RRM1: variants seen among roughly 807,000 people sequenced by gnomAD.
RRM1 encodes ribonucleoside-diphosphate reductase large subunit.
A neutral mutation model predicts 101.5 loss-of-function variants in RRM1; 19 were observed. That is an observed-to-expected ratio of 0.19 (90% CI 0.13 to 0.27). RRM1 has a LOEUF of 0.27. Ranked by LOEUF, RRM1 falls within the 10% of genes least tolerant of loss-of-function variation. The pLI is 1.00. For synonymous variants in RRM1, 298 were observed against 323.4 expected, an observed-to-expected ratio of 0.92 and a Z score of 0.84; for missense variants, 500 against 962.9, an observed-to-expected ratio of 0.52 and a Z score of 6.36.
In RRM1 at chr11:4,094,882, C is replaced by A; in HGVS notation, c.-131C>A. Reference sequence around the variant, plus strand: ...CTCTGAAGAAAGTGCTGTCTGGCTCCAACTCCAGTTCTTTCCCCTGAGCAG... The same window carrying A: ...CTCTGAAGAAAGTGCTGTCTGGCTCAAACTCCAGTTCTTTCCCCTGAGCAG... On this transcript the variant is annotated 5_prime_UTR_variant, in exon 1 of 19. Coordinates refer to ENST00000300738, the MANE Select transcript of RRM1 (RefSeq NM_001033.5). The A allele has an allele frequency of 1.1e-6, 1 of 935,922 alleles. No individual in the cohort carries two copies. Among genetic ancestry groups the A allele is most frequent in the Non-Finnish European group, 1.7e-6 (1 of 591,216 alleles). 58.0% of individuals were successfully genotyped at this position (935,922 alleles called of 1,614,324 possible).
chr11:4,117,134 A>C (rs2094574891), intron 7 of RRM1, among the ~76,000 whole-genome samples: 2 of 152,240 alleles, frequency 1.3e-5, no homozygotes, highest in South Asian at 4.1e-4. Flanking sequence ...ATATTTGATA[A>C]AAATGAAAAG....
At chr11:4,121,815 T>TC (rs776395679) in intron 10 of RRM1, 50 bp downstream of exon 10, 2 of 1,518,798 alleles carry the variant, frequency 1.3e-6, no homozygotes, top group South Asian at 2.7e-5. Context: ...ACATGAGCTT[T>TC]CTCTTTTTTA....
At chr11:4,103,767 T>C (rs1233138614) in intron 2 of RRM1, among the ~76,000 whole-genome samples, 1 of 150,308 alleles carries the variant, frequency 6.7e-6, no homozygotes, top group Non-Finnish European at 1.5e-5. Context: ...ATTACAGGCA[T>C]GTGCCACCAC....
At position 4,101,557 on chromosome 11, in the gene RRM1, A is replaced by ACCCCCCCCCCCCCCCCCCCCCCCCCCCC. The variant is rs200112921; in HGVS notation, c.20-435_20-434insCCCCCCCCCCCCCCCCCCCCCCCCCCCC. 2.1e-4 allele frequency among the ~76,000 whole-genome samples: 9 copies of ACCCCCCCCCCCCCCCCCCCCCCCCCCCC among 43,630 alleles called. 1 individual carries two copies. The highest frequency in any genetic ancestry group is 4.9e-4 in the Admixed American group (2 of 4,114). 28.6% of individuals were successfully genotyped at this position (43,630 alleles called of 152,430 possible). On this transcript the variant is annotated intron_variant, in intron 1 of 18. Coordinates refer to ENST00000300738, the MANE Select transcript of RRM1 (RefSeq NM_001033.5). ...TCGAACTCCTGACCTCCAGTGATCC[A>ACCCCCCCCCCCCCCCCCCCCCCCCCCCC]CACCCCCCCCCGCTCCCTTGGCCTC...
intron 14 of RRM1, 115 bp downstream of exon 14, chr11:4,127,371 ATTTGGTTC>A: frequency 1.7e-6 from 1 of 593,878 alleles, no homozygotes; most frequent in South Asian, 4.0e-5. Context: ...ATTTAATTTC[ATTTGGTTC>A]AAAAAAAGGT....
chr11:4,097,321 AC>A (rs2094545112), intron 1 of RRM1, among the ~76,000 whole-genome samples: 1 of 151,050 alleles, frequency 6.6e-6, no homozygotes, highest in Admixed American at 6.6e-5. Context: ...GCTAGCTATA[AC>A]TAGCTCTAAA....
chr11:4,111,490 AT>A, intron 5 of RRM1, 110 bp from the exon 6 acceptor site: 1 of 610,468 alleles, frequency 1.6e-6, no homozygotes, highest in South Asian at 3.1e-5. Context: ...TTCATTTGAA[AT>A]TTTATAGAAA....
At chr11:4,130,036 A>G (rs2094596447) in intron 15 of RRM1, among the ~76,000 whole-genome samples, 1 of 130,268 alleles carries the variant, frequency 7.7e-6, no homozygotes, top group African/African-American at 2.9e-5. Flanking sequence ...ATGGAAATTC[A>G]ACTTTTAAGA....
intron 1 of RRM1, among the ~76,000 whole-genome samples, chr11:4,096,523 T>C (rs2094543757): frequency 6.6e-6 from 1 of 152,248 alleles, no homozygotes. Flanking sequence ...TTGTTTTTGG[T>C]ATCTTGAGAA....
chr11:4,135,308 TTGAGA>T, intron 18 of RRM1, 38 bp downstream of exon 18: 1 of 1,445,722 alleles, frequency 6.9e-7, no homozygotes, highest in Non-Finnish European at 9.4e-7. Context: ...AATTGCCAGC[TTGAGA>T]TATTTTGGCA....
At chr11:4,133,393 A>G (rs1364908553) in intron 16 of RRM1, among the ~76,000 whole-genome samples, 170 bp from the exon 17 acceptor site, 2 of 152,226 alleles carry the variant, frequency 1.3e-5, no homozygotes, top group South Asian at 2.1e-4. Flanking sequence ...AAAGGAATAT[A>G]GCTTTCGTGT....
intron 7 of RRM1, among the ~76,000 whole-genome samples, chr11:4,112,970 T>TA (rs1285110127): frequency 8.5e-5 from 13 of 152,092 alleles, no homozygotes; most frequent in African/African-American, 3.1e-4. Context: ...TTGATTAAGA[T>TA]AAAAATATAT....
intron 1 of RRM1, among the ~76,000 whole-genome samples, chr11:4,096,042 T>C (rs1049548227): frequency 2.6e-5 from 4 of 152,184 alleles, no homozygotes; most frequent in Admixed American, 6.5e-5. Context: ...GGAGACTTGT[T>C]TGAGACAGAG....
rs182089546 is a variant in RRM1, at chr11:4,112,192, A to G, written c.650+130A>G. ...ATTAAATGAGATTTAGATTCTGGAA[A>G]GATCTCTGACTGTAATGTGGTAAAT... On this transcript the variant is annotated intron_variant, in intron 7 of 18. Transcript: ENST00000300738. 816 of 657,634 alleles carry G rather than the reference A, an allele frequency of 1.2e-3. 5 individuals are homozygous for G. The highest frequency in any genetic ancestry group is 7.3e-3 in the Middle Eastern group (23 of 3,156). The allele number at this position is 657,634 out of a possible 1,614,324, so 40.7% of individuals were successfully genotyped here.
chr11:4,128,268 C>T (rs550164999), intron 14 of RRM1, among the ~76,000 whole-genome samples: 1 of 149,716 alleles, frequency 6.7e-6, no homozygotes, highest in African/African-American at 2.5e-5. Flanking sequence ...TGAAGCAGTT[C>T]TGCTGCCTCA....
At position 4,132,547 on chromosome 11, in the gene RRM1, T is replaced by C. The variant is rs2094602250; in HGVS notation, c.1905+126T>C. 1.3e-5 allele frequency: 10 copies of C among 787,396 alleles called. No homozygotes were observed. In the South Asian group the frequency reaches 1.8e-4, roughly 14 times the overall value. 48.8% of individuals were successfully genotyped at this position (787,396 alleles called of 1,614,324 possible). A position where few individuals can be genotyped will look rare whatever the true frequency, so the allele number is the denominator to read the frequency against. On this transcript the variant is annotated intron_variant, in intron 16 of 18. Coordinates refer to ENST00000300738, the MANE Select transcript of RRM1 (RefSeq NM_001033.5). This position sits in a 1 kb window ranked among gnomAD's most constrained non-coding sequence, Gnocchi z 4.1. The stretch of plus-strand genomic sequence containing the variant: ...GTGCAAACTTTGATAAAGACAGTCA[T>C]CTTCATCTCTAATATTATTATTTGT...
intron 2 of RRM1, chr11:4,105,549 G>A (rs1031608379): frequency 1.3e-5 from 5 of 394,180 alleles, no homozygotes; most frequent in African/African-American, 2.3e-5. Context: ...TTATTGTGAT[G>A]TGAATTTGAT....
At chr11:4,110,565 C>T (rs2094563940) in intron 5 of RRM1, among the ~76,000 whole-genome samples, 2 of 151,862 alleles carry the variant, frequency 1.3e-5, no homozygotes, top group African/African-American at 4.8e-5. Flanking sequence ...GTCAGGAGTT[C>T]GAGACCAGCC....
At chr11:4,114,652 CAAT>C (rs1479347433) in intron 7 of RRM1, among the ~76,000 whole-genome samples, 1 of 151,924 alleles carries the variant, frequency 6.6e-6, no homozygotes, top group Admixed American at 6.6e-5. Context: ...ATATTTTCTT[CAAT>C]AATAAATTAA....
Sources: gnomAD v4.1 joint callset for allele counts (sites outside exome capture counted in the v4.1 genomes callset) on GRCh38, gnomAD v4.1.1 for gene constraint, Gnocchi (gnomAD v3.1) non-coding constraint, MANE v1.5 for transcripts, NCBI Gene and HGNC (gene_info 2026-07-23, HGNC 2026-07-21) for gene names.